The following TMEM132B variants were observed in gnomAD, a reference collection of about 807,000 sequenced individuals.
The protein encoded by TMEM132B is transmembrane protein 132B.
A neutral mutation model predicts 90.8 loss-of-function variants in TMEM132B; 18 were observed. The ratio of observed to expected loss-of-function variants is 0.20; its 90% CI spans 0.14 to 0.29. The LOEUF (loss-of-function observed/expected upper bound fraction) is 0.29. Among genes scored for constraint, TMEM132B ranks in the 10% least tolerant of loss-of-function variants. TMEM132B has a pLI of 1.00. For synonymous variants in TMEM132B, 504 were observed against 523.3 expected (o/e 0.96, Z 0.50); for missense variants, 1,096 against 1,326.8 (o/e 0.83, Z 2.70).
intron 1 of TMEM132B, among the ~76,000 whole-genome samples, chr12:125,338,557 T>C (rs1877055527): frequency 6.6e-6 from 1 of 152,194 alleles, no homozygotes; most frequent in African/African-American, 2.4e-5. Flanking sequence ...CAGAATCTGT[T>C]ACTCTCCTTT....
At chr12:125,614,574 A>G (rs1273883525) in intron 5 of TMEM132B, among the ~76,000 whole-genome samples, 1 of 152,188 alleles carries the variant, frequency 6.6e-6, no homozygotes, top group Non-Finnish European at 1.5e-5. Context: ...AGCAGTGAAC[A>G]TATGAGTTCA....
At chr12:125,512,150 C>T (rs986334079) in intron 3 of TMEM132B, among the ~76,000 whole-genome samples, 1 of 152,198 alleles carries the variant, frequency 6.6e-6, no homozygotes, top group African/African-American at 2.4e-5. Context: ...TCAGAAATCA[C>T]AAATGTCCGC....
intron 4 of TMEM132B, among the ~76,000 whole-genome samples, chr12:125,547,470 T>G (rs1242827265): frequency 1.3e-5 from 2 of 152,234 alleles, no homozygotes; most frequent in Non-Finnish European, 2.9e-5. Flanking sequence ...GATCTTTTGC[T>G]CGTTATTTTC....
rs189529552 is a variant in TMEM132B, at chr12:125,596,630, A to G, written c.1437+12636A>G. Among the ~76,000 whole-genome samples, 490 of 152,260 alleles carry G rather than the reference A, an allele frequency of 3.2e-3. 5 individuals are homozygous for G. Among genetic ancestry groups the G allele is most frequent in the African/African-American group, 0.011 (472 of 41,530 alleles). Reference sequence around the variant, plus strand: ...TACCACTTCTAAAGTCCAGTTTAACAAGCCTTTTTTTAAAGAGTAAAGGCC... The same window carrying G: ...TACCACTTCTAAAGTCCAGTTTAACGAGCCTTTTTTTAAAGAGTAAAGGCC... On this transcript the variant is annotated intron_variant, in intron 5 of 8. Transcript: ENST00000682704.
chr12:125,308,083 T>C (rs1876037565), intron 1 of TMEM132B, among the ~76,000 whole-genome samples: 1 of 145,534 alleles, frequency 6.9e-6, no homozygotes, highest in Non-Finnish European at 1.5e-5. Flanking sequence ...ATATTATAAG[T>C]ATATATACTT....
At chr12:125,299,178 C>G (rs1875749386) in intron 1 of TMEM132B, among the ~76,000 whole-genome samples, 1 of 152,192 alleles carries the variant, frequency 6.6e-6, no homozygotes, top group Non-Finnish European at 1.5e-5. Context: ...ACCTTGTTCT[C>G]TCTTGAACCC....
intron 1 of TMEM132B, among the ~76,000 whole-genome samples, chr12:125,333,698 G>C (rs1001000507): frequency 6.6e-6 from 1 of 152,180 alleles, no homozygotes; most frequent in Non-Finnish European, 1.5e-5. Context: ...GCTGATTACT[G>C]CTGGGTAAGA....
chr12:125,604,624 A>G (rs1398403569), intron 5 of TMEM132B, among the ~76,000 whole-genome samples: 1 of 152,252 alleles, frequency 6.6e-6, no homozygotes, highest in African/African-American at 2.4e-5. Context: ...AAAAAAAATA[A>G]ATAAATTGAT....
chr12:125,199,186 G>T (rs141881834), intron 1 of TMEM132B, among the ~76,000 whole-genome samples: 134 of 152,302 alleles, frequency 8.8e-4, no homozygotes, highest in Middle Eastern at 3.4e-3. Flanking sequence ...GGCATCGTAT[G>T]CACTTTTGCA....
intron 3 of TMEM132B, among the ~76,000 whole-genome samples, chr12:125,485,167 G>A (rs1265245600): frequency 6.6e-6 from 1 of 152,058 alleles, no homozygotes; most frequent in African/African-American, 2.4e-5. Context: ...CTTCTTTTTT[G>A]ATTTCCACCT....
chr12:125,615,492 T>C (rs1007265648), intron 5 of TMEM132B, among the ~76,000 whole-genome samples: 2 of 152,182 alleles, frequency 1.3e-5, no homozygotes, highest in Admixed American at 6.6e-5. Flanking sequence ...ACCTCAAATC[T>C]ATTTTGAGCT....
chr12:125,348,395 C>T lies in TMEM132B; in HGVS notation c.68-1057C>T, dbSNP rs151063817. 6.6e-3 allele frequency among the ~76,000 whole-genome samples: 998 copies of T among 152,250 alleles called. 10 individuals are homozygous for T. The highest frequency in any genetic ancestry group is 0.023 in the African/African-American group (950 of 41,532). On this transcript the variant is annotated intron_variant, in intron 1 of 8. Transcript: ENST00000682704. Reference sequence around the variant, plus strand: ...AGATTGGAGTGCAGTGGTGCAATCCCAGCTCACTGCAATCTCCGCCTCTTG... The same window carrying T: ...AGATTGGAGTGCAGTGGTGCAATCCTAGCTCACTGCAATCTCCGCCTCTTG...
chr12:125,199,524 G>A (rs1354667216), intron 1 of TMEM132B, among the ~76,000 whole-genome samples: 1 of 152,154 alleles, frequency 6.6e-6, no homozygotes, highest in African/African-American at 2.4e-5. Context: ...CATCTCTGGG[G>A]GAACAAGGAA....
At position 125,446,107 on chromosome 12, in the gene TMEM132B, T is replaced by G. The variant is rs543825561; in HGVS notation, c.1106+30430T>G. ...ATCAGCTCCACAGTATTCTTCTGAG[T>G]TCTCTTTTTATCTTGATAAGTTCTT... On this transcript the variant is annotated intron_variant, in intron 3 of 8. Coordinates refer to ENST00000682704, the MANE Select transcript of TMEM132B (RefSeq NM_001366854.1). 3.3e-5 allele frequency among the ~76,000 whole-genome samples: 5 copies of G among 152,370 alleles called. No individual in the cohort carries two copies. The East Asian group carries it at 9.6e-4, about 29-fold the overall frequency.
At chr12:125,264,876 A>AT (rs1379532499) in intron 1 of TMEM132B, among the ~76,000 whole-genome samples, 21 of 152,176 alleles carry the variant, frequency 1.4e-4, no homozygotes, top group African/African-American at 5.1e-4. Flanking sequence ...AAATTCATTT[A>AT]TTTTTTGAAA....
Position 125,415,943 on chromosome 12 carries a change from A to G in TMEM132B, c.1106+266A>G, listed in dbSNP as rs777063172. Among the ~76,000 whole-genome samples, 6 of 152,238 alleles carry G rather than the reference A, an allele frequency of 3.9e-5. No individual in the cohort carries two copies. Among genetic ancestry groups the G allele is most frequent in the Admixed American group, 2.6e-4 (4 of 15,284 alleles). ...GTTGAAGAAGGAAATGGGGGAAATA[A>G]AAATGATTTAAGAGGCAAGGGGAAA... On this transcript the variant is annotated intron_variant, in intron 3 of 8. Coordinates refer to ENST00000682704, the MANE Select transcript of TMEM132B (RefSeq NM_001366854.1). This position sits in a 1 kb window ranked among gnomAD's most constrained non-coding sequence, Gnocchi z 5.3.
At chr12:125,629,378 G>A (rs1486123147) in intron 5 of TMEM132B, among the ~76,000 whole-genome samples, 1 of 151,758 alleles carries the variant, frequency 6.6e-6, no homozygotes, top group Non-Finnish European at 1.5e-5. Context: ...TAATTCCTAG[G>A]AATTTAATGT....
intron 1 of TMEM132B, among the ~76,000 whole-genome samples, chr12:125,306,495 G>A (rs71460703): frequency 1.3e-5 from 2 of 152,158 alleles, no homozygotes; most frequent in Non-Finnish European, 2.9e-5. Context: ...TCCTCCCACA[G>A]CCTTCCCTAC....
chr12:125,462,267 CTT>C, intron 3 of TMEM132B, among the ~76,000 whole-genome samples: 1 of 152,152 alleles, frequency 6.6e-6, no homozygotes, highest in Non-Finnish European at 1.5e-5. Flanking sequence ...AACCAGGACT[CTT>C]AGCCAATTTG....
Sources: gnomAD v4.1 joint callset for allele counts (sites outside exome capture counted in the v4.1 genomes callset) on GRCh38, gnomAD v4.1.1 for gene constraint, Gnocchi (gnomAD v3.1) non-coding constraint, MANE v1.5 for transcripts, NCBI Gene and HGNC (gene_info 2026-07-23, HGNC 2026-07-21) for gene names.